The following MYH15 variants were observed in gnomAD, a reference collection of about 807,000 sequenced individuals.
MYH15 encodes myosin-15.
A neutral mutation model predicts 240.5 loss-of-function variants in MYH15; 227 were observed. That is an observed-to-expected ratio of 0.94 (90% CI 0.85 to 1.05). The LOEUF is 1.05. MYH15 is among the 50% of genes least tolerant of loss of function. MYH15 has a pLI of 0.00. For missense variants in MYH15, 2,217 were observed against 2,247.5 expected (o/e 0.99, Z 0.27); for synonymous variants, 785 against 796.7 (o/e 0.99, Z 0.25).
intron 39 of MYH15, among the ~76,000 whole-genome samples, 180 bp from the exon 40 acceptor site, chr3:108,383,909 A>G (rs1159500947): frequency 6.6e-6 from 1 of 152,040 alleles, no homozygotes; most frequent in African/African-American, 2.4e-5. Context: ...CAGGTATAAG[A>G]TCCATTTTTT....
Position 108,389,032 on chromosome 3 carries a change from T to A in MYH15, c.5473A>T (p.Ser1825Cys). ...CGGGCTCCCCTCTGGGCCTCTGCAC[T>A]GCGACGGATTTCACCCTCCAGTTCA... ...EGELEGEIRRSAEAQRGARRL... is the reference protein window; with the variant it reads ...EGELEGEIRRCAEAQRGARRL... Residue 1825 changes from serine to cysteine, a missense_variant, in exon 38 of 41, where the codon AGT becomes TGT. Physicochemically the swap from Ser to Cys is moderately radical, Grantham distance 112. Transcript: ENST00000693548. 1 of 1,613,938 alleles carries A rather than the reference T, an allele frequency of 6.2e-7. No individual in the cohort carries two copies. The highest frequency in any genetic ancestry group is 8.5e-7 in the Non-Finnish European group (1 of 1,179,892).
chr3:108,437,115 T>C (rs138539836), intron 25 of MYH15, among the ~76,000 whole-genome samples: 1 of 152,152 alleles, frequency 6.6e-6, no homozygotes, highest in African/African-American at 2.4e-5. Context: ...CCTATATAAA[T>C]ATTAAGTTAT....
chr3:108,411,200 A>C (rs1455682460), intron 30 of MYH15, among the ~76,000 whole-genome samples: 1 of 152,096 alleles, frequency 6.6e-6, no homozygotes, highest in Non-Finnish European at 1.5e-5. Context: ...AATTCCTACA[A>C]ATATTTGCTT....
At chr3:108,495,647 C>T in intron 7 of MYH15, 133 bp downstream of exon 7, 1 of 513,758 alleles carries the variant, frequency 1.9e-6, no homozygotes, top group Non-Finnish European at 3.3e-6. Context: ...TTTGAGAAAT[C>T]TAACATTACA....
At chr3:108,501,271 A>T (rs1024427354) in intron 3 of MYH15, among the ~76,000 whole-genome samples, 2 of 152,194 alleles carry the variant, frequency 1.3e-5, no homozygotes, top group Non-Finnish European at 2.9e-5. Context: ...AACCATCATC[A>T]ATTTAAAGAT....
intron 33 of MYH15, among the ~76,000 whole-genome samples, chr3:108,401,563 T>C (rs73850888): frequency 6.6e-6 from 1 of 152,342 alleles, no homozygotes; most frequent in African/African-American, 2.4e-5. Context: ...CCAAAATCTG[T>C]CAGACACTTA....
At position 108,414,174 on chromosome 3, in the gene MYH15, A is replaced by T. The variant is rs939591303; in HGVS notation, c.4145+58T>A. ...ATGAGGCCTTGGAGACAGAGTCATT[A>T]TTCTCATACTGCTCCATGTGAGTAA... On this transcript the variant is annotated intron_variant, in intron 30 of 40. Coordinates refer to ENST00000693548, the MANE Select transcript of MYH15 (RefSeq NM_014981.3). The T allele has an allele frequency of 8.4e-6, 13 of 1,542,212 alleles. No homozygotes were observed. In the African/African-American group the frequency reaches 1.6e-4, roughly 19 times the overall value.
intron 20 of MYH15, among the ~76,000 whole-genome samples, 154 bp from the exon 21 acceptor site, chr3:108,454,296 A>G (rs1243921332): frequency 1.3e-5 from 2 of 152,176 alleles, no homozygotes. Context: ...TACTTCTTAG[A>G]AAGTTTGATT....
chr3:108,486,105 C>T (rs145864524), intron 10 of MYH15, among the ~76,000 whole-genome samples: 26 of 152,168 alleles, frequency 1.7e-4, no homozygotes, highest in African/African-American at 6.3e-4. Context: ...TGGTAAAAAA[C>T]AAAAAACACT....
At chr3:108,440,949 A>G (rs747917014) in intron 23 of MYH15, 69 bp downstream of exon 23, 2 of 1,585,742 alleles carry the variant, frequency 1.3e-6, no homozygotes, top group South Asian at 2.3e-5. Flanking sequence ...CAAGTCAGAT[A>G]CCAAAACCTG....
At chr3:108,484,992 T>C (rs767689290) in intron 11 of MYH15, 99 bp downstream of exon 11, 114 of 1,299,814 alleles carry the variant, frequency 8.8e-5, no homozygotes, top group Non-Finnish European at 1.2e-4. Flanking sequence ...CACTATTGAT[T>C]AATTTTAAGT....
the MYH15 span, among the ~76,000 whole-genome samples, chr3:108,537,788 A>T: frequency 3.3e-4 from 50 of 152,340 alleles, no homozygotes; most frequent in East Asian, 9.7e-3. Flanking sequence ...CTTAGACAGC[A>T]GATAAATGGG....
intron 2 of MYH15, among the ~76,000 whole-genome samples, chr3:108,502,944 C>A (rs1477593579): frequency 1.3e-5 from 2 of 152,124 alleles, no homozygotes; most frequent in South Asian, 2.1e-4. Context: ...CCCCTTTTCC[C>A]TAATTCTATT....
intron 35 of MYH15, among the ~76,000 whole-genome samples, chr3:108,397,116 C>T (rs900232589): frequency 1.3e-5 from 2 of 152,164 alleles, no homozygotes; most frequent in African/African-American, 4.8e-5. Context: ...GTAAAACTTC[C>T]TAAAATGCAA....
At position 108,496,070 on chromosome 3, in the gene MYH15, T is replaced by A. The variant is rs372633981; in HGVS notation, c.619-198A>T. On this transcript the variant is annotated intron_variant, in intron 6 of 40. Transcript: ENST00000693548. ...GATGACAGAGGCTAACAATATACAATACCCCTATGAATATGTGGGAGCTCG... is the reference window on the plus strand; with the variant it reads ...GATGACAGAGGCTAACAATATACAAAACCCCTATGAATATGTGGGAGCTCG... 7.2e-5 allele frequency among the ~76,000 whole-genome samples: 11 copies of A among 152,310 alleles called. No individual in the cohort carries two copies. The East Asian group carries it at 1.7e-3, about 24-fold the overall frequency.
chr3:108,463,301 T>C (rs889548711), intron 15 of MYH15, 58 bp from the exon 16 acceptor site: 2 of 1,536,430 alleles, frequency 1.3e-6, no homozygotes, highest in East Asian at 2.3e-5. Context: ...TAAGTTAACA[T>C]GGAAGGCTGT....
rs563417689 is a variant in MYH15, at chr3:108,485,191, C to T, written c.1014G>A (p.Lys338=). ...CTCCAGTGAGTTTATAGCATCCATA[C>T]TTCTCATCAGGAAGAAAGCCCAAGA... The part of the protein sequence containing the change: ...MDILGFLPDE[K]YGCYKLTGAI... Residue 338 remains lysine (K), a synonymous_variant, in exon 11 of 41, where the codon AAG becomes AAA. Coordinates refer to ENST00000693548, the MANE Select transcript of MYH15 (RefSeq NM_014981.3). 1.3e-5 allele frequency: 21 copies of T among 1,614,102 alleles called. No individual in the cohort carries two copies. The highest frequency in any genetic ancestry group is 1.8e-5 in the Non-Finnish European group (21 of 1,179,966).
In MYH15 at chr3:108,410,716, C is replaced by A. The variant is rs767396705; in HGVS notation, c.4362G>T (p.Glu1454Asp). ...GAGAGGCATCCAGCAACGCCTGGGACTCCTCGTGCTTCTGCTTCCAGTCGG... is the reference window on the plus strand; with the variant it reads ...GAGAGGCATCCAGCAACGCCTGGGAATCCTCGTGCTTCTGCTTCCAGTCGG... ...ALADWKQKHE[E>D]SQALLDASQK... The change falls in exon 31 of 41, where the codon GAG (glutamate) becomes GAT (aspartate). Residue 1454 changes from glutamate to aspartate, a missense_variant. Coordinates refer to ENST00000693548, the MANE Select transcript of MYH15 (RefSeq NM_014981.3). The A allele has an allele frequency of 3.7e-6, 6 of 1,614,084 alleles. No individual in the cohort carries two copies. In the African/African-American group the frequency reaches 8.0e-5, roughly 22 times the overall value.
At chr3:108,497,845 A>T (rs934282791) in intron 6 of MYH15, among the ~76,000 whole-genome samples, 1 of 152,240 alleles carries the variant, frequency 6.6e-6, no homozygotes, top group African/African-American at 2.4e-5. Context: ...AATTAATTAC[A>T]TAATTCATGT....
Sources: gnomAD v4.1 joint callset for allele counts (sites outside exome capture counted in the v4.1 genomes callset) on GRCh38, gnomAD v4.1.1 for gene constraint, MANE v1.5 for transcripts, NCBI Gene and HGNC (gene_info 2026-07-23, HGNC 2026-07-21) for gene names.